Variants in CACNA2D3 observed in about 807,000 individuals in gnomAD.
CACNA2D3 encodes the protein voltage-dependent calcium channel subunit alpha-2/delta-3.
A neutral mutation model predicts 160.6 loss-of-function variants in CACNA2D3; 60 were observed. The observed-to-expected ratio is 0.37, with a 90% confidence interval of 0.30 to 0.46. The LOEUF is 0.46. CACNA2D3 is among the 20% of genes least tolerant of loss of function. The pLI is 1.00. For missense variants in CACNA2D3, 1,205 were observed against 1,365.0 expected (o/e 0.88, Z 1.85); for synonymous variants, 558 against 492.9 (o/e 1.13, Z -1.75).
At chr3:54,407,392 C>G (rs1279990561) in intron 4 of CACNA2D3, among the ~76,000 whole-genome samples, 1 of 152,076 alleles carries the variant, frequency 6.6e-6, no homozygotes, top group Non-Finnish European at 1.5e-5. Context: ...TGAAAGCATG[C>G]CTATTGCTTT....
At position 54,189,203 on chromosome 3, in the gene CACNA2D3, G is replaced by T. The variant is rs572228598; in HGVS notation, c.204+65609G>T. Among the ~76,000 whole-genome samples the T allele has an allele frequency of 2.0e-5, 3 of 152,322 alleles. No homozygotes were observed. In the East Asian group the frequency reaches 5.8e-4, roughly 29 times the overall value. Reference sequence around the variant, plus strand: ...TATTGACCAGCAAGCTTTTATGTAAGAACTTAGTTCCTAGCGGGACCCAGT... The same window carrying T: ...TATTGACCAGCAAGCTTTTATGTAATAACTTAGTTCCTAGCGGGACCCAGT... On this transcript the variant is annotated intron_variant, in intron 2 of 37. Coordinates refer to ENST00000474759, the MANE Select transcript of CACNA2D3 (RefSeq NM_018398.3).
At chr3:54,421,707 G>A (rs116049127) in intron 4 of CACNA2D3, among the ~76,000 whole-genome samples, 1 of 152,308 alleles carries the variant, frequency 6.6e-6, no homozygotes, top group Non-Finnish European at 1.5e-5. Flanking sequence ...GGGTTGGGAA[G>A]CAGGGCATGT....
rs1433856988 is a variant in CACNA2D3, at chr3:55,009,407, C to T, written c.2839C>T (p.Leu947Phe). The T allele has an allele frequency of 1.9e-6, 3 of 1,613,884 alleles. No homozygotes were observed. The highest frequency in any genetic ancestry group is 2.2e-5 in the South Asian group (2 of 91,074). Residue 947 changes from leucine (L) to phenylalanine (F), a missense_variant, in exon 34 of 38, where the codon CTC becomes TTC. By Grantham distance (22) the Leu-to-Phe change is conservative. This residue lies in a region of CACNA2D3 where 911 missense variants were observed against 1,002.2 expected (regional missense o/e 0.91). Coordinates refer to ENST00000474759, the MANE Select transcript of CACNA2D3 (RefSeq NM_018398.3). The part of the protein sequence containing the change: ...ELVLFLVEFN[L>F]CSWWHSDMTA... Reference sequence around the variant, plus strand: ...GTTTAGGTTCCTGGTGGAATTTAACCTCTGCAGTTGGTGGCACTCCGATAT... The same window carrying T: ...GTTTAGGTTCCTGGTGGAATTTAACTTCTGCAGTTGGTGGCACTCCGATAT...
intron 11 of CACNA2D3, among the ~76,000 whole-genome samples, chr3:54,646,194 GCTTCCTTCCTTC>G (rs1169806180): frequency 0.064 from 860 of 13,424 alleles, 73 homozygotes; most frequent in African/African-American, 0.13. Context: ...CTCCTTCCTT[GCTTCCTTCCTTC>G]CTTCCTTCCT....
At chr3:54,331,212 A>G (rs1164444799) in intron 3 of CACNA2D3, among the ~76,000 whole-genome samples, 5 of 152,208 alleles carry the variant, frequency 3.3e-5, no homozygotes, top group African/African-American at 1.2e-4. Flanking sequence ...ATATGTAGTG[A>G]TATTAAAATA....
chr3:54,474,938 A>G (rs1354134606), intron 4 of CACNA2D3, among the ~76,000 whole-genome samples: 1 of 152,194 alleles, frequency 6.6e-6, no homozygotes, highest in African/African-American at 2.4e-5. Context: ...TGGTGATATT[A>G]GTGAGGCCTA....
At chr3:54,267,608 T>C (rs1264065811) in intron 2 of CACNA2D3, among the ~76,000 whole-genome samples, 1 of 152,172 alleles carries the variant, frequency 6.6e-6, no homozygotes, top group Non-Finnish European at 1.5e-5. Flanking sequence ...TGGATGTAAG[T>C]CTAAATTCAT....
intron 8 of CACNA2D3, among the ~76,000 whole-genome samples, chr3:54,573,581 G>GCAGTGCGTA (rs1417939467): frequency 6.6e-6 from 1 of 152,210 alleles, no homozygotes; most frequent in East Asian, 1.9e-4. Context: ...TGCAGTGAGT[G>GCAGTGCGTA]CAGTGCGTAC....
chr3:54,637,384 A>T (rs1699400471), intron 10 of CACNA2D3, among the ~76,000 whole-genome samples: 1 of 151,744 alleles, frequency 6.6e-6, no homozygotes, highest in Admixed American at 6.6e-5. Flanking sequence ...TTTGATTGGG[A>T]AGAAGGGCGG....
chr3:54,645,067 A>C (rs1045762737), intron 11 of CACNA2D3, among the ~76,000 whole-genome samples: 3 of 152,232 alleles, frequency 2.0e-5, no homozygotes, highest in African/African-American at 7.2e-5. Context: ...ACTGCCTGAG[A>C]GTGGGTAATT....
chr3:54,158,254 C>T (rs1700279503), intron 2 of CACNA2D3, among the ~76,000 whole-genome samples: 1 of 152,242 alleles, frequency 6.6e-6, no homozygotes, highest in Non-Finnish European at 1.5e-5. Context: ...GCCAGATCCC[C>T]ATACCTGCTA....
chr3:54,951,510 C>G (rs914512743), intron 27 of CACNA2D3, among the ~76,000 whole-genome samples: 11 of 152,184 alleles, frequency 7.2e-5, no homozygotes, highest in Non-Finnish European at 1.6e-4. Context: ...TGTAGGATTT[C>G]AGTTACTGTG....
intron 2 of CACNA2D3, among the ~76,000 whole-genome samples, chr3:54,290,511 G>T (rs4928032): frequency 6.7e-6 from 1 of 148,554 alleles, no homozygotes; most frequent in African/African-American, 2.6e-5. Context: ...CGATTCCTCA[G>T]GGATCTAGAA....
chr3:54,216,795 G>C (rs1701470845), intron 2 of CACNA2D3, among the ~76,000 whole-genome samples: 1 of 152,184 alleles, frequency 6.6e-6, no homozygotes, highest in Non-Finnish European at 1.5e-5. Flanking sequence ...AACCATCCTA[G>C]TAAGGAGAAA....
At chr3:54,812,453 A>G (rs914997319) in intron 13 of CACNA2D3, among the ~76,000 whole-genome samples, 11 of 152,204 alleles carry the variant, frequency 7.2e-5, no homozygotes, top group African/African-American at 2.7e-4. Context: ...GGTCTTAGGA[A>G]GAGCTCCAGG....
At chr3:54,820,201 A>G (rs1263108400) in intron 14 of CACNA2D3, among the ~76,000 whole-genome samples, 2 of 152,186 alleles carry the variant, frequency 1.3e-5, no homozygotes, top group South Asian at 2.1e-4. Context: ...CTGCCTTTGT[A>G]TCATCTGCAA....
intron 5 of CACNA2D3, among the ~76,000 whole-genome samples, chr3:54,531,991 CA>C (rs1452355767): frequency 6.6e-6 from 1 of 152,168 alleles, no homozygotes; most frequent in Non-Finnish European, 1.5e-5. Flanking sequence ...TCCGCGAGCC[CA>C]CACTGCCTCT....
chr3:54,191,165 G>A (rs1290700969), intron 2 of CACNA2D3, among the ~76,000 whole-genome samples: 4 of 151,992 alleles, frequency 2.6e-5, no homozygotes, highest in South Asian at 2.1e-4. Context: ...TTCCTGCTCC[G>A]GGGAAATGGA....
chr3:54,135,023 C>G lies in CACNA2D3; in HGVS notation c.204+11429C>G, dbSNP rs1004068844. On this transcript the variant is annotated intron_variant, in intron 2 of 37. Coordinates refer to ENST00000474759, the MANE Select transcript of CACNA2D3 (RefSeq NM_018398.3). ...AATTAGGAAGCTGCTGCAGCTAATT[C>G]CATAAAGCGCTTGAGTGCCACATTA... Among the ~76,000 whole-genome samples the G allele has an allele frequency of 2.0e-5, 3 of 152,352 alleles. No homozygotes were observed. The South Asian group carries it at 6.2e-4, about 32-fold the overall frequency.
Sources: allele counts gnomAD v4.1 joint callset (sites outside exome capture counted in the v4.1 genomes callset), GRCh38; gene constraint gnomAD v4.1.1; regional missense constraint gnomAD v4.1.1; transcripts MANE v1.5; gene names NCBI Gene and HGNC (gene_info 2026-07-23, HGNC 2026-07-21).